Variants in RIN3 observed in about 807,000 individuals in gnomAD.
The protein encoded by RIN3 is Ras and Rab interactor 3, also known as RAB5 interacting protein 3.
RIN3 carries 54 observed loss-of-function variants against 76.3 expected under a neutral mutation model. The ratio of observed to expected loss-of-function variants is 0.71; its 90% CI spans 0.57 to 0.89. The LOEUF (loss-of-function observed/expected upper bound fraction) is 0.89. RIN3 is among the 40% of genes least tolerant of loss of function. The pLI is 0.00. For missense variants in RIN3, 1,256 were observed against 1,322.1 expected (o/e 0.95, Z 0.78); for synonymous variants, 576 against 564.0 (o/e 1.02, Z -0.30).
rs577489531 is a variant in RIN3 at position 92,588,470 on chromosome 14, C to T, written c.367+10993C>T. On this transcript the variant is annotated intron_variant, in intron 3 of 9. Transcript: ENST00000216487. Reference sequence around the variant, plus strand: ...TGAATTCCCAACCTCAGGTGATCCGCCTGCCTCGGCCTCCCAAAGTGCTGG... The same window carrying T: ...TGAATTCCCAACCTCAGGTGATCCGTCTGCCTCGGCCTCCCAAAGTGCTGG... Among the ~76,000 whole-genome samples, 40 of 152,052 alleles carry T rather than the reference C, an allele frequency of 2.6e-4. No homozygotes were observed. The South Asian group carries it at 8.3e-3, about 32-fold the overall frequency.
chr14:92,578,286 G>GT (rs1898320103), intron 3 of RIN3, among the ~76,000 whole-genome samples: 1 of 151,868 alleles, frequency 6.6e-6, no homozygotes, highest in Admixed American at 6.6e-5. Context: ...AATCCTGTGT[G>GT]TGCATAGTGC....
intron 3 of RIN3, among the ~76,000 whole-genome samples, chr14:92,605,098 A>G (rs1885480456): frequency 6.6e-6 from 1 of 151,666 alleles, no homozygotes; most frequent in Admixed American, 6.6e-5. Flanking sequence ...TTTGGTAGAG[A>G]TGGTGTTTCA....
In RIN3 at chr14:92,517,194, G is replaced by A. The variant is rs79560565; in HGVS notation, c.44+3218G>A. On this transcript the variant is annotated intron_variant, in intron 1 of 9. Coordinates refer to ENST00000216487, the MANE Select transcript of RIN3 (RefSeq NM_024832.5). ...GGTGGGCAGCTCGGAGGAGGGGAGT[G>A]CCTGAGCAAAGGTTCGGGAGGTGGG... 6.2e-3 allele frequency among the ~76,000 whole-genome samples: 945 copies of A among 152,330 alleles called. 10 individuals are homozygous for A. The highest frequency in any genetic ancestry group is 0.022 in the African/African-American group (904 of 41,566).
At chr14:92,535,954 A>T (rs1479892151) in intron 1 of RIN3, among the ~76,000 whole-genome samples, 1 of 151,624 alleles carries the variant, frequency 6.6e-6, no homozygotes, top group Non-Finnish European at 1.5e-5. Context: ...CCTCAGTTGG[A>T]TACCCAGTTG....
intron 1 of RIN3, among the ~76,000 whole-genome samples, chr14:92,546,005 A>G (rs1399966409): frequency 1.3e-5 from 2 of 151,492 alleles, no homozygotes; most frequent in Non-Finnish European, 2.9e-5. Flanking sequence ...GGCTCACTGC[A>G]ACCTCTGCTT....
chr14:92,584,243 T>C (rs754977849), intron 3 of RIN3, among the ~76,000 whole-genome samples: 106 of 152,216 alleles, frequency 7.0e-4, no homozygotes, highest in Admixed American at 2.5e-3. Context: ...TGAGGCTCTT[T>C]GCAACAACTT....
Position 92,514,021 on chromosome 14 carries a change from C to T in RIN3, c.44+45C>T, listed in dbSNP as rs1896368357. 3 of 1,189,416 alleles carry T rather than the reference C, an allele frequency of 2.5e-6. No individual in the cohort carries two copies. The highest frequency in any genetic ancestry group is 1.6e-5 in the African/African-American group (1 of 63,610). 73.7% of individuals were successfully genotyped at this position (1,189,416 alleles called of 1,614,324 possible). On this transcript the variant is annotated intron_variant, in intron 1 of 9. Transcript: ENST00000216487. The surrounding 1 kb of genome is among the most constrained non-coding windows in gnomAD (Gnocchi z 7.2). ...CCCTCCTCCCTCGCGATCCCCACGG[C>T]CCGCGTCCTGGCCGCCCCACTCCAC...
chr14:92,637,538 G>A (rs1595473679), intron 4 of RIN3, among the ~76,000 whole-genome samples: 1 of 152,166 alleles, frequency 6.6e-6, no homozygotes, highest in African/African-American at 2.4e-5. Flanking sequence ...GACCCCTGGG[G>A]TAGACAGCAG....
intron 3 of RIN3, among the ~76,000 whole-genome samples, chr14:92,611,513 A>G (rs755861727): frequency 2.6e-5 from 4 of 152,220 alleles, no homozygotes; most frequent in African/African-American, 4.8e-5. Flanking sequence ...TCGGCCTCCC[A>G]AAGTGCTTGG....
intron 3 of RIN3, among the ~76,000 whole-genome samples, chr14:92,579,475 C>G (rs1466687829): frequency 6.6e-6 from 1 of 152,208 alleles, no homozygotes; most frequent in Non-Finnish European, 1.5e-5. Flanking sequence ...ATTTCCTCGT[C>G]ATAATTTTTG....
intron 4 of RIN3, among the ~76,000 whole-genome samples, chr14:92,620,521 G>A (rs955316661): frequency 7.9e-5 from 12 of 152,110 alleles, no homozygotes; most frequent in African/African-American, 2.9e-4. Context: ...CCAGATAAAT[G>A]GAATGAATGA....
intron 8 of RIN3, among the ~76,000 whole-genome samples, chr14:92,682,854 A>G (rs1888715234): frequency 1.3e-5 from 2 of 152,160 alleles, no homozygotes; most frequent in African/African-American, 4.8e-5. Flanking sequence ...GCACTAGCAG[A>G]ATCTGCCTCA....
At position 92,652,667 on chromosome 14, in the gene RIN3, G is replaced by C; in HGVS notation, c.1618G>C (p.Val540Leu). 6.2e-7 allele frequency: 1 copy of C among 1,612,572 alleles called. No homozygotes were observed. Among genetic ancestry groups the C allele is most frequent in the East Asian group, 2.2e-5 (1 of 44,880 alleles). ...SLASLSDSLG[V>L]SVMATDQDSY... is the part of the protein sequence containing the mutation. ...GGCCTCCCTCTCAGACAGCTTGGGGGTGTCTGTCATGGCCACCGACCAGGA... is the reference window on the plus strand; with the variant it reads ...GGCCTCCCTCTCAGACAGCTTGGGGCTGTCTGTCATGGCCACCGACCAGGA... The change falls in exon 6 of 10, where the codon GTG (valine) becomes CTG (leucine). Residue 540 changes from valine to leucine, a missense_variant. Val to Leu is a conservative substitution (Grantham distance 32, BLOSUM62 1). This residue lies in a region of RIN3 where 428 missense variants were observed against 521.2 expected (regional missense o/e 0.82). Transcript: ENST00000216487. This position sits in a 1 kb window ranked among gnomAD's most constrained non-coding sequence, Gnocchi z 6.4.
In RIN3 at chr14:92,685,321, C is replaced by T. The variant is rs1595511580; in HGVS notation, c.2631+171C>T. 1 of 662,280 alleles carries T rather than the reference C, an allele frequency of 1.5e-6. No individual in the cohort carries two copies. Among genetic ancestry groups the T allele is most frequent in the South Asian group, 2.0e-5 (1 of 51,238 alleles). 41.0% of individuals were successfully genotyped at this position (662,280 alleles called of 1,614,324 possible). A position where few individuals can be genotyped will look rare whatever the true frequency, so the allele number is the denominator to read the frequency against. On this transcript the variant is annotated intron_variant, in intron 9 of 9. Transcript: ENST00000216487. This position sits in a 1 kb window ranked among gnomAD's most constrained non-coding sequence, Gnocchi z 4.7. Reference sequence around the variant, plus strand: ...AGGAAGGGCCCCCAGCCCCTGCTGCCAGTGTGTGTCCAGGACTTGGGTGCG... The same window carrying T: ...AGGAAGGGCCCCCAGCCCCTGCTGCTAGTGTGTGTCCAGGACTTGGGTGCG...
At chr14:92,661,429 G>A (rs1730200510) in intron 7 of RIN3, among the ~76,000 whole-genome samples, 1 of 152,160 alleles carries the variant, frequency 6.6e-6, no homozygotes, top group Non-Finnish European at 1.5e-5. Flanking sequence ...CCATGTGTTA[G>A]AATTGTGCTC....
rs1887524095 is a variant in RIN3, at chr14:92,652,918, CA to C, written c.1871del (p.Lys624ArgfsTer7). On this transcript the variant is annotated frameshift_variant, in exon 6 of 10. Transcript: ENST00000216487. LOFTEE classifies it high-confidence loss of function. This position sits in a 1 kb window ranked among gnomAD's most constrained non-coding sequence, Gnocchi z 6.4. ...ACTTTGGCAGCCTGGTGCAGGACTACAAGGTGTACAGCCTGGAGATGATGGC... is the reference window on the plus strand; with the variant it reads ...ACTTTGGCAGCCTGGTGCAGGACTACAGGTGTACAGCCTGGAGATGATGGC... Reference protein sequence around the residue: ...SYFGSLVQDYKVYSLEMMARQ... With the variant: ...SYFGSLVQDYXVYSLEMMARQ... 2 of 1,613,918 alleles carry C rather than the reference CA, an allele frequency of 1.2e-6. No homozygotes were observed. Among genetic ancestry groups the C allele is most frequent in the Admixed American group, 3.3e-5 (2 of 60,012 alleles).
chr14:92,676,421 A>G, intron 7 of RIN3, 54 bp from the exon 8 acceptor site: 1 of 1,596,206 alleles, frequency 6.3e-7, no homozygotes, highest in Non-Finnish European at 8.6e-7. Flanking sequence ...GGCAGAGAGC[A>G]TCTCACAAGG....
intron 8 of RIN3, 107 bp from the exon 9 acceptor site, chr14:92,684,880 A>G: frequency 8.4e-7 from 1 of 1,186,148 alleles, no homozygotes; most frequent in Non-Finnish European, 1.2e-6. Context: ...TGCCTCAAGC[A>G]GAGGTGGTGG....
At chr14:92,520,765 C>T (rs906360692) in intron 1 of RIN3, among the ~76,000 whole-genome samples, 5 of 152,190 alleles carry the variant, frequency 3.3e-5, no homozygotes, top group Admixed American at 2.0e-4. Context: ...AATTCACAAT[C>T]TGATGATCTC....
Sources: gnomAD v4.1 joint callset for allele counts (sites outside exome capture counted in the v4.1 genomes callset) on GRCh38, gnomAD v4.1.1 for gene constraint, gnomAD v4.1.1 regional missense constraint, Gnocchi (gnomAD v3.1) non-coding constraint, MANE v1.5 for transcripts, NCBI Gene and HGNC (gene_info 2026-07-23, HGNC 2026-07-21) for gene names.